Variants in COA1 observed in about 807,000 individuals in gnomAD.
COA1 encodes cytochrome c oxidase assembly factor 1.
A neutral mutation model predicts 16.0 loss-of-function variants in COA1; 13 were observed. The ratio of observed to expected loss-of-function variants is 0.81; its 90% CI spans 0.53 to 1.29. The LOEUF (loss-of-function observed/expected upper bound fraction) is 1.29, where lower values mean the gene tolerates loss of function less well. Among genes scored for constraint, COA1 ranks in the 50% most tolerant of loss-of-function variants. COA1 has a pLI of 0.00. For missense variants in COA1, 179 were observed against 177.0 expected (o/e 1.01, Z -0.06); for synonymous variants, 65 against 65.7 (o/e 0.99, Z 0.05).
chr7:43,634,658 G>A (rs562794519), downstream of COA1, among the ~76,000 whole-genome samples: 16 of 152,328 alleles, frequency 1.1e-4, no homozygotes, highest in African/African-American at 3.4e-4. Context: ...AGGCAAAGAA[G>A]GTCTAGGCTC....
At chr7:43,687,025 A>G (rs544844531) in intron 1 of COA1, among the ~76,000 whole-genome samples, 5 of 152,230 alleles carry the variant, frequency 3.3e-5, no homozygotes, top group Non-Finnish European at 7.4e-5. Flanking sequence ...TTTATAATCA[A>G]TAGTCTTACT....
chr7:43,651,698 A>T (rs1405546216), intron 1 of COA1, among the ~76,000 whole-genome samples: 1 of 117,256 alleles, frequency 8.5e-6, no homozygotes, highest in Admixed American at 9.1e-5. Context: ...TTAAAAAAAA[A>T]AAAAAAAAAA....
intron 4 of COA1, chr7:43,641,831 A>G (rs1188091165): frequency 6.6e-6 from 1 of 152,228 alleles, no homozygotes; most frequent in Non-Finnish European, 1.5e-5. Flanking sequence ...AGTGAATGCA[A>G]TATTTTTGGT....
intron 6 of COA1, chr7:43,623,958 A>T: frequency 2.6e-6 from 3 of 1,157,430 alleles, no homozygotes; most frequent in South Asian, 2.9e-5. Flanking sequence ...TAAAAAACTG[A>T]CAGTTTTTTC....
chr7:43,681,172 T>C (rs2093753534), intron 1 of COA1, among the ~76,000 whole-genome samples: 1 of 152,206 alleles, frequency 6.6e-6, no homozygotes, highest in South Asian at 2.1e-4. Flanking sequence ...TACTATAGGA[T>C]TGACCCATTC....
chr7:43,701,483 T>G (rs2094736884), intron 1 of COA1, among the ~76,000 whole-genome samples: 2 of 152,228 alleles, frequency 1.3e-5, no homozygotes, highest in African/African-American at 4.8e-5. Context: ...CCATGGTGTG[T>G]ATGTACCAAA....
chr7:43,705,758 C>G (rs1340519497), intron 1 of COA1, among the ~76,000 whole-genome samples: 2 of 152,234 alleles, frequency 1.3e-5, no homozygotes, highest in Admixed American at 1.3e-4. Flanking sequence ...GTTCTTCCTG[C>G]CAGCTCAGAT....
intron 1 of COA1, among the ~76,000 whole-genome samples, chr7:43,727,503 T>C (rs561192353): frequency 2.0e-5 from 3 of 152,256 alleles, no homozygotes; most frequent in Non-Finnish European, 2.9e-5. Flanking sequence ...TAAATCGTGG[T>C]AATACCCATA....
chr7:43,719,670 G>A (rs747523435), intron 1 of COA1, among the ~76,000 whole-genome samples: 16 of 152,194 alleles, frequency 1.1e-4, no homozygotes, highest in Non-Finnish European at 2.4e-4. Context: ...GAGTTGAAAA[G>A]TGACAAAGGG....
intron 4 of COA1, 31 bp downstream of exon 4, chr7:43,645,220 C>T: frequency 1.2e-6 from 2 of 1,606,730 alleles, no homozygotes. Flanking sequence ...CAGCAGGCAC[C>T]AGCCTGCGGT....
chr7:43,718,326 T>C (rs986755673), intron 1 of COA1, among the ~76,000 whole-genome samples: 1 of 152,220 alleles, frequency 6.6e-6, no homozygotes, highest in Non-Finnish European at 1.5e-5. Flanking sequence ...TGCTCTTGTC[T>C]CAGCTCCCAG....
At chr7:43,691,278 AAAGAAAGAAAGAAAGAAAG>A (rs1563381464) in intron 1 of COA1, among the ~76,000 whole-genome samples, 12 of 34,860 alleles carry the variant, frequency 3.4e-4, no homozygotes, top group Non-Finnish European at 7.0e-4. Context: ...AGAAAGAAAG[AAAGAAAGAAAGAAAGAAAG>A]AAAGAAAGAA....
intron 1 of COA1, among the ~76,000 whole-genome samples, chr7:43,695,910 C>T (rs1375930946): frequency 1.3e-5 from 2 of 152,204 alleles, no homozygotes; most frequent in Admixed American, 1.3e-4. Flanking sequence ...CGAAAGGAAA[C>T]TTGTGCAAGA....
chr7:43,651,711 A>C (rs984529242), intron 1 of COA1, among the ~76,000 whole-genome samples: 65 of 148,696 alleles, frequency 4.4e-4, no homozygotes, highest in African/African-American at 1.6e-3. Context: ...AAAAAAAAAA[A>C]ACAGGCCAGG....
chr7:43,635,544 CTT>C (rs1450175825), downstream of COA1, among the ~76,000 whole-genome samples: 1 of 152,186 alleles, frequency 6.6e-6, no homozygotes, highest in Non-Finnish European at 1.5e-5. Flanking sequence ...GCACTTAAAA[CTT>C]TTACTCAGAA....
chr7:43,698,627 T>C (rs2094601967), intron 1 of COA1, among the ~76,000 whole-genome samples: 1 of 152,196 alleles, frequency 6.6e-6, no homozygotes, highest in African/African-American at 2.4e-5. Flanking sequence ...GAGCCAACAG[T>C]GACGCCAGCC....
chr7:43,631,526 A>T (rs902779792), intron 6 of COA1: 1 of 152,296 alleles, frequency 6.6e-6, no homozygotes, highest in Non-Finnish European at 1.5e-5. Context: ...GTGCCCAGCC[A>T]CAAGTTGATA....
chr7:43,693,326 T>G lies in COA1; in HGVS notation c.-39+36103A>C, dbSNP rs551078474. ...TACCCCCAACCTTAATCCTTAAAGA[T>G]TTTAGCTCCTGGCTATGACACTCTC... is the stretch of plus-strand genomic sequence containing the variant. On this transcript the variant is annotated intron_variant, in intron 1 of 5. Coordinates refer to ENST00000223336, the MANE Select transcript of COA1 (RefSeq NM_018224.4). 1.3e-4 allele frequency among the ~76,000 whole-genome samples: 20 copies of G among 152,290 alleles called. No individual in the cohort carries two copies. The East Asian group carries it at 3.5e-3, about 26-fold the overall frequency.
chr7:43,697,049 A>G (rs943856056), intron 1 of COA1, among the ~76,000 whole-genome samples: 1 of 151,806 alleles, frequency 6.6e-6, no homozygotes, highest in Non-Finnish European at 1.5e-5. Context: ...GCTTGAACCC[A>G]GGAGACAGAG....
Sources: allele counts gnomAD v4.1 joint callset (sites outside exome capture counted in the v4.1 genomes callset), GRCh38; gene constraint gnomAD v4.1.1; transcripts MANE v1.5; gene names NCBI Gene and HGNC (gene_info 2026-07-23, HGNC 2026-07-21).